MTMR9: variants seen among roughly 807,000 people sequenced by gnomAD.
MTMR9 encodes myotubularin-related protein 9.
Under a neutral mutation model 69.5 loss-of-function variants are expected in MTMR9, and 39 were observed. The ratio of observed to expected loss-of-function variants is 0.56; its 90% confidence interval spans 0.43 to 0.73. The LOEUF (loss-of-function observed/expected upper bound fraction) is 0.73, where lower values mean the gene tolerates loss of function less well. Among genes scored for constraint, MTMR9 ranks in the 30% least tolerant of loss-of-function variants. MTMR9 has a pLI of 0.00. For missense variants in MTMR9, 900 were observed against 671.2 expected (o/e 1.34, Z -3.77); for synonymous variants, 354 against 240.8 (o/e 1.47, Z -4.35).
chr8:11,320,222 A>C (rs1223621077), intron 9 of MTMR9: 1 of 173,922 alleles, frequency 5.7e-6, no homozygotes, highest in Non-Finnish European at 1.2e-5. Context: ...CTTGTATTAA[A>C]TGGTATTAAA....
At chr8:11,312,613 G>A (rs578045125) in intron 6 of MTMR9, among the ~76,000 whole-genome samples, 5 of 152,204 alleles carry the variant, frequency 3.3e-5, no homozygotes, top group Admixed American at 2.0e-4. Flanking sequence ...CATGAGATGT[G>A]GAATCAACTT....
At chr8:11,330,965 T>G (rs1228602393), downstream of MTMR9, 14 of 1,388,842 alleles carry the variant, frequency 1.0e-5, no homozygotes, top group Admixed American at 2.9e-5. Context: ...AGAGTTGGAC[T>G]CAGCGGGAAA....
chr8:11,292,697 C>T (rs1260575480), intron 1 of MTMR9, among the ~76,000 whole-genome samples: 1 of 152,080 alleles, frequency 6.6e-6, no homozygotes, highest in Non-Finnish European at 1.5e-5. Context: ...TATTTGCTTT[C>T]TTACTGCGTT....
At chr8:11,299,018 C>T (rs1799659337) in intron 2 of MTMR9, 2 of 450,920 alleles carry the variant, frequency 4.4e-6, no homozygotes, top group East Asian at 1.6e-4. Flanking sequence ...GAATTTCTAC[C>T]TATGTAGAGC....
downstream of MTMR9, among the ~76,000 whole-genome samples, chr8:11,332,644 C>T (rs1448973337): frequency 6.6e-6 from 1 of 151,786 alleles, no homozygotes; most frequent in African/African-American, 2.4e-5. Context: ...CTCTGTCACA[C>T]AGGCTGGAGT....
At chr8:11,337,013 A>T in the MTMR9 span, among the ~76,000 whole-genome samples, 128 of 152,292 alleles carry the variant, frequency 8.4e-4, 1 homozygote, top group African/African-American at 2.9e-3. Flanking sequence ...CAAAGAAAAA[A>T]TGGTAATCTG....
chr8:11,319,817 C>T lies in MTMR9; in HGVS notation c.1465C>T (p.Gln489Ter). The T allele has an allele frequency of 6.2e-7, 1 of 1,614,146 alleles. No individual in the cohort carries two copies. Among genetic ancestry groups the T allele is most frequent in the East Asian group, 2.2e-5 (1 of 44,888 alleles). ...TGTCATCTGGCCTTCAGTTGCTCCG[C>T]AGAGTCTTCCACTGTGGGAAGGTAA... ...NLVIWPSVAP[Q>*]SLPLWEGIFL... Residue 489 changes from glutamine to a stop codon, truncating the protein, a stop_gained, in exon 9 of 10, where the codon CAG (glutamine) becomes TAG (stop). Coordinates refer to ENST00000221086, the MANE Select transcript of MTMR9 (RefSeq NM_015458.4). LOFTEE classifies it high-confidence loss of function.
chr8:11,284,906 G>A lies in MTMR9; in HGVS notation c.18G>A (p.Leu6=). The change falls in exon 1 of 10, where the codon CTG becomes CTA. Residue 6 remains leucine (L), a synonymous_variant. Transcript: ENST00000221086. ...GGGGGAGCATGGAGTTTGCGGAGCT[G>A]ATTAAGACCCCGCGGGTGGACAATG... MEFAE[L]IKTPRVDNVV... is the part of the protein sequence containing the mutation. 1 of 1,610,940 alleles carries A rather than the reference G, an allele frequency of 6.2e-7. No homozygotes were observed. The highest frequency in any genetic ancestry group is 1.1e-5 in the South Asian group (1 of 90,556).
downstream of MTMR9, chr8:11,331,296 G>C (rs1188539557): frequency 5.0e-6 from 8 of 1,614,004 alleles, no homozygotes; most frequent in Non-Finnish European, 6.8e-6. Context: ...GGCTTACCAG[G>C]GTTCCAACCT....
At chr8:11,287,740 ATTTTC>A (rs1332213416) in intron 1 of MTMR9, among the ~76,000 whole-genome samples, 1 of 130,616 alleles carries the variant, frequency 7.7e-6, no homozygotes, top group Non-Finnish European at 1.5e-5. Flanking sequence ...ATTATATATT[ATTTTC>A]TTATATATTT....
At position 11,305,002 on chromosome 8, in the gene MTMR9, A is replaced by G. The variant is rs373777189; in HGVS notation, c.579A>G (p.Lys193=). The G allele has an allele frequency of 4.6e-5, 74 of 1,613,950 alleles. No individual in the cohort carries two copies. The East Asian group carries it at 5.3e-4, about 12-fold the overall frequency. The change falls in exon 4 of 10, where the codon AAA becomes AAG. Residue 193 remains lysine, a synonymous_variant. Transcript: ENST00000221086. ...GRFPVLSYYH[K]KNGMVIMRSG... is the part of the protein sequence containing the mutation. ...TCCCAGTACTAAGCTATTACCACAA[A>G]AAAAATGGGATGGTAAGTGCACAGC...
the MTMR9 span, among the ~76,000 whole-genome samples, chr8:11,338,568 G>T: frequency 6.6e-6 from 1 of 152,196 alleles, no homozygotes; most frequent in Non-Finnish European, 1.5e-5. Flanking sequence ...GTGACCAGGG[G>T]AACCTTTTCC....
the MTMR9 span, among the ~76,000 whole-genome samples, chr8:11,337,029 G>A: frequency 1.3e-5 from 2 of 152,118 alleles, no homozygotes; most frequent in South Asian, 2.1e-4. Context: ...ATCTGCAGAA[G>A]GGGGCGTTGT....
Position 11,306,236 on chromosome 8 carries a change from G to A in MTMR9, c.638G>A (p.Arg213Lys), listed in dbSNP as rs1563275964. 2 of 1,613,688 alleles carry A rather than the reference G, an allele frequency of 1.2e-6. No individual in the cohort carries two copies. Among genetic ancestry groups the A allele is most frequent in the Non-Finnish European group, 1.7e-6 (2 of 1,179,934 alleles). ...CCACTCACTGGTACAAACGGGAGGA[G>A]GTGCAAGGAGGACGAGAAGCTGATA... ...GQPLTGTNGR[R>K]CKEDEKLINA... Residue 213 changes from arginine (R) to lysine (K), a missense_variant, in exon 5 of 10, where the codon AGG (arginine) becomes AAG (lysine). Arg to Lys is a conservative substitution (Grantham distance 26, BLOSUM62 2). Coordinates refer to ENST00000221086, the MANE Select transcript of MTMR9 (RefSeq NM_015458.4).
chr8:11,328,349 G>A (rs1801041278), downstream of MTMR9, among the ~76,000 whole-genome samples: 2 of 145,590 alleles, frequency 1.4e-5, no homozygotes, highest in African/African-American at 5.4e-5. Flanking sequence ...TACCACGTGT[G>A]TGTGTGTGTG....
At chr8:11,315,968 A>T (rs1327324405) in intron 7 of MTMR9, 1 of 152,240 alleles carries the variant, frequency 6.6e-6, no homozygotes, top group Non-Finnish European at 1.5e-5. Context: ...GACAAAGCAG[A>T]TCTGTGAAAT....
In MTMR9 at chr8:11,325,866, T is replaced by A. The variant is rs2117477866; in HGVS notation, c.*3078T>A. 6.6e-6 allele frequency: 1 copy of A among 152,310 alleles called. No individual in the cohort carries two copies. The highest frequency in any genetic ancestry group is 6.5e-5 in the Admixed American group (1 of 15,294). The allele number at this position is 152,310 out of a possible 1,614,324, so 9.4% of individuals were successfully genotyped here. On this transcript the variant is annotated 3_prime_UTR_variant, in exon 10 of 10. Coordinates refer to ENST00000221086, the MANE Select transcript of MTMR9 (RefSeq NM_015458.4). ...AAATGTATTTTATTTCCAAGAAAACTTAGGGTCTCAAAGCAAGATTTTAAA... is the reference window on the plus strand; with the variant it reads ...AAATGTATTTTATTTCCAAGAAAACATAGGGTCTCAAAGCAAGATTTTAAA...
chr8:11,287,635 T>G (rs1410144500), intron 1 of MTMR9, among the ~76,000 whole-genome samples: 1 of 148,030 alleles, frequency 6.8e-6, no homozygotes, highest in Non-Finnish European at 1.5e-5. Context: ...AGATGGACAA[T>G]CAAGCAAGTC....
the MTMR9 span, among the ~76,000 whole-genome samples, chr8:11,333,677 TAAAA>T: frequency 1.3e-5 from 2 of 152,064 alleles, no homozygotes. Context: ...GACAAAAACA[TAAAA>T]AAGCAATTAT....
Sources: gnomAD v4.1 joint callset for allele counts (sites outside exome capture counted in the v4.1 genomes callset) on GRCh38, gnomAD v4.1.1 for gene constraint, MANE v1.5 for transcripts, NCBI Gene and HGNC (gene_info 2026-07-23, HGNC 2026-07-21) for gene names.